The following UTRN variants were observed in gnomAD, a reference collection of about 807,000 sequenced individuals.
UTRN encodes the protein utrophin, also known as dystrophin-related protein 1.
A neutral mutation model predicts 463.9 loss-of-function variants in UTRN; 283 were observed. The observed-to-expected ratio is 0.61, with a 90% CI of 0.55 to 0.67. The LOEUF (loss-of-function observed/expected upper bound fraction) is 0.67, where lower values mean the gene tolerates loss of function less well. Ranked by LOEUF, UTRN falls within the 30% of genes least tolerant of loss-of-function variation. UTRN has a pLI of 0.00. For missense variants in UTRN, 3,922 were observed against 4,084.3 expected, an observed-to-expected ratio of 0.96 and a Z score of 1.08; for synonymous variants, 1,442 against 1,431.5, an observed-to-expected ratio of 1.01 and a Z score of -0.17.
intron 46 of UTRN, among the ~76,000 whole-genome samples, chr6:144,548,435 C>T (rs904303281): frequency 1.3e-5 from 2 of 152,160 alleles, no homozygotes; most frequent in African/African-American, 4.8e-5. Context: ...TGTTGCAAAA[C>T]TGTTTTGTTG....
intron 6 of UTRN, among the ~76,000 whole-genome samples, chr6:144,424,555 T>C (rs1785128994): frequency 6.6e-6 from 1 of 152,184 alleles, no homozygotes; most frequent in African/African-American, 2.4e-5. Context: ...ATATTAATTT[T>C]AGAGAACATA....
At chr6:144,416,253 T>C (rs1784355785) in intron 3 of UTRN, among the ~76,000 whole-genome samples, 1 of 152,206 alleles carries the variant, frequency 6.6e-6, no homozygotes, top group East Asian at 1.9e-4. Context: ...CACAGTGTTT[T>C]AGGAAATTAC....
intron 54 of UTRN, among the ~76,000 whole-genome samples, chr6:144,732,717 TGTTATGTTA>T (rs1788875086): frequency 1.3e-5 from 2 of 150,400 alleles, no homozygotes; most frequent in African/African-American, 2.5e-5. Flanking sequence ...TGTTATGTTA[TGTTATGTTA>T]TTTTGAGACA....
At chr6:144,446,535 T>C (rs1465214694) in intron 14 of UTRN, among the ~76,000 whole-genome samples, 1 of 152,266 alleles carries the variant, frequency 6.6e-6, no homozygotes, top group Admixed American at 6.5e-5. Flanking sequence ...ATTATCACAA[T>C]GTAGCTACGG....
At chr6:144,601,420 C>T (rs988113604) in intron 51 of UTRN, among the ~76,000 whole-genome samples, 3 of 151,612 alleles carry the variant, frequency 2.0e-5, no homozygotes, top group Non-Finnish European at 3.0e-5. Flanking sequence ...TTCCTACCCT[C>T]ATGGATCATT....
chr6:144,747,195 G>T (rs1790851606), intron 54 of UTRN, among the ~76,000 whole-genome samples: 1 of 152,212 alleles, frequency 6.6e-6, no homozygotes, highest in Admixed American at 6.5e-5. Flanking sequence ...ACTGAAAGAT[G>T]AGATGTTATC....
intron 52 of UTRN, among the ~76,000 whole-genome samples, chr6:144,690,720 G>A (rs1349958399): frequency 6.6e-6 from 1 of 152,132 alleles, no homozygotes; most frequent in Non-Finnish European, 1.5e-5. Context: ...ATCCCGATGT[G>A]GTTCCTTCTC....
In UTRN at chr6:144,493,470, C is replaced by A; in HGVS notation, c.4593+14C>A. The A allele has an allele frequency of 6.2e-7, 1 of 1,608,392 alleles. No homozygotes were observed. Among genetic ancestry groups the A allele is most frequent in the Non-Finnish European group, 8.5e-7 (1 of 1,176,006 alleles). ...CTGGGCGCACAGGTGAGGAGAGCAG[C>A]CCCACAGCTCATCTCTCTGTCTCTC... On this transcript the variant is annotated intron_variant, in intron 33 of 74. Transcript: ENST00000367545.
At chr6:144,795,074 A>C (rs950051654) in intron 63 of UTRN, among the ~76,000 whole-genome samples, 1 of 151,738 alleles carries the variant, frequency 6.6e-6, no homozygotes, top group Non-Finnish European at 1.5e-5. Flanking sequence ...CCCTGTGTCC[A>C]TGTGTTCTCA....
intron 50 of UTRN, among the ~76,000 whole-genome samples, chr6:144,561,204 A>ATTATATATATAT (rs1799835134): frequency 1.1e-5 from 1 of 88,662 alleles, no homozygotes; most frequent in Non-Finnish European, 2.3e-5. Flanking sequence ...CAAAAATAAC[A>ATTATATATATAT]TTATATATAT....
chr6:144,353,982 TA>T (rs1385439317), intron 2 of UTRN, among the ~76,000 whole-genome samples: 14 of 152,228 alleles, frequency 9.2e-5, no homozygotes, highest in Non-Finnish European at 1.6e-4. Context: ...TGGGATGTTT[TA>T]AAGTTGGTTT....
At chr6:144,415,352 G>A (rs1784276754) in intron 3 of UTRN, among the ~76,000 whole-genome samples, 1 of 152,200 alleles carries the variant, frequency 6.6e-6, no homozygotes, top group South Asian at 2.1e-4. Flanking sequence ...TTCGCATACT[G>A]TATGACAGAA....
rs185569582 is a variant in UTRN, at chr6:144,765,826, A to C, written c.8496-6081A>C. On this transcript the variant is annotated intron_variant, in intron 58 of 74. Transcript: ENST00000367545. ...ATGGCATTTTTTAAGGAAGACTCTA[A>C]ACTTTTGCAGTACCTATTATCAAAT... 1.4e-3 allele frequency among the ~76,000 whole-genome samples: 217 copies of C among 152,210 alleles called. 2 individuals carry two copies. Among genetic ancestry groups the C allele is most frequent in the African/African-American group, 5.1e-3 (210 of 41,506 alleles).
chr6:144,616,949 A>G (rs1325021570), intron 51 of UTRN, among the ~76,000 whole-genome samples: 1 of 152,152 alleles, frequency 6.6e-6, no homozygotes, highest in Admixed American at 6.5e-5. Flanking sequence ...TTTATTGACT[A>G]TCCTTTGCCT....
chr6:144,536,051 A>G (rs1239933524), intron 43 of UTRN, among the ~76,000 whole-genome samples: 4 of 152,200 alleles, frequency 2.6e-5, no homozygotes, highest in Admixed American at 1.3e-4. Context: ...AAGTGCTGGG[A>G]TTACAGCCGT....
chr6:144,538,958 GT>G (rs1027400457), intron 44 of UTRN, among the ~76,000 whole-genome samples: 3 of 152,266 alleles, frequency 2.0e-5, no homozygotes, highest in Admixed American at 2.0e-4. Flanking sequence ...GTTAGAAAAG[GT>G]GGAACAGTAT....
intron 52 of UTRN, 104 bp downstream of exon 52, chr6:144,678,682 A>G (rs1781898886): frequency 2.0e-5 from 21 of 1,047,046 alleles, no homozygotes; most frequent in Middle Eastern, 4.7e-4. Context: ...CACCACTTCT[A>G]TTTCATCAGA....
intron 53 of UTRN, among the ~76,000 whole-genome samples, chr6:144,701,575 T>C (rs1034402701): frequency 3.3e-5 from 5 of 152,192 alleles, no homozygotes; most frequent in Non-Finnish European, 7.3e-5. Flanking sequence ...TTAATATCTC[T>C]TTATGCCCAT....
chr6:144,316,492 A>G (rs1379763088), intron 2 of UTRN, among the ~76,000 whole-genome samples: 3 of 152,218 alleles, frequency 2.0e-5, no homozygotes, highest in South Asian at 4.1e-4. Flanking sequence ...TTTACTTCCA[A>G]TAATGTATGG....
Sources: allele counts gnomAD v4.1 joint callset (sites outside exome capture counted in the v4.1 genomes callset), GRCh38; gene constraint gnomAD v4.1.1; transcripts MANE v1.5; gene names NCBI Gene and HGNC (gene_info 2026-07-23, HGNC 2026-07-21).